Variants in FAM13C observed in about 807,000 individuals in gnomAD.
The protein encoded by FAM13C is family with sequence similarity 13 member C, also known as protein FAM13C.
In FAM13C, 37 loss-of-function variants were observed where a neutral mutation model predicts 73.2. That is an observed-to-expected ratio of 0.51 (90% CI 0.39 to 0.67). FAM13C has a LOEUF of 0.67. Ranked by LOEUF, FAM13C falls within the 30% of genes least tolerant of loss-of-function variation. FAM13C has a pLI of 0.00. For missense variants in FAM13C, 589 were observed against 715.6 expected (o/e 0.82, Z 2.02); for synonymous variants, 246 against 260.9 (o/e 0.94, Z 0.55).
intron 5 of FAM13C, 184 bp from the exon 6 acceptor site, chr10:59,283,631 T>C (rs1761285068): frequency 1.5e-6 from 1 of 655,200 alleles, no homozygotes; most frequent in Admixed American, 2.2e-5. Flanking sequence ...TGGCAACAGC[T>C]GCTTCAGGGA....
Position 59,362,422 on chromosome 10 carries a change from G to A in FAM13C, c.39C>T (p.Ser13=), listed in dbSNP as rs748236811. 2 of 1,614,032 alleles carry A rather than the reference G, an allele frequency of 1.2e-6. No individual in the cohort carries two copies. The highest frequency in any genetic ancestry group is 1.1e-5 in the South Asian group (1 of 91,008). The stretch of plus-strand genomic sequence containing the variant: ...ACTCTGTTACAGTGGTGCTGCTGAA[G>A]GAATTATCCTGAAGGCTGAAACAGA... ...SCFCFSLQDN[S]FSSTTVTECD... is the part of the protein sequence containing the mutation. The change falls in exon 1 of 14, where the codon TCC becomes TCT. Residue 13 remains serine, a synonymous_variant. Coordinates refer to ENST00000618804, the MANE Select transcript of FAM13C (RefSeq NM_198215.4).
intron 13 of FAM13C, chr10:59,251,374 C>T: frequency 1.9e-6 from 1 of 539,834 alleles, no homozygotes; most frequent in Non-Finnish European, 3.3e-6. Context: ...GATGTCATAC[C>T]TGACAGCTAC....
At chr10:59,280,031 G>A (rs1844758886) in intron 6 of FAM13C, among the ~76,000 whole-genome samples, 1 of 152,094 alleles carries the variant, frequency 6.6e-6, no homozygotes, top group South Asian at 2.1e-4. Context: ...TAATCCCATG[G>A]CTTAATCACC....
At chr10:59,294,154 G>A (rs894815222) in intron 5 of FAM13C, among the ~76,000 whole-genome samples, 3 of 152,270 alleles carry the variant, frequency 2.0e-5, no homozygotes, top group South Asian at 2.1e-4. Flanking sequence ...TTGCTCTTAC[G>A]TTTATACTTT....
chr10:59,280,615 T>C (rs1844817949), intron 6 of FAM13C, among the ~76,000 whole-genome samples: 1 of 152,184 alleles, frequency 6.6e-6, no homozygotes, highest in Non-Finnish European at 1.5e-5. Context: ...TCCTAGACTG[T>C]CTAGAGAGGA....
At chr10:59,285,005 TC>T (rs1845392407) in intron 5 of FAM13C, among the ~76,000 whole-genome samples, 1 of 152,318 alleles carries the variant, frequency 6.6e-6, no homozygotes, top group African/African-American at 2.4e-5. Flanking sequence ...CACCACTTGA[TC>T]CATTCTGTTG....
chr10:59,317,861 G>A (rs113300084), intron 4 of FAM13C, among the ~76,000 whole-genome samples: 7,557 of 151,730 alleles, frequency 0.05, 565 homozygotes, highest in African/African-American at 0.17. Context: ...GTCATTTAGC[G>A]TTAGGTATAT....
chr10:59,279,193 A>G (rs918521301), intron 6 of FAM13C, among the ~76,000 whole-genome samples: 1 of 152,164 alleles, frequency 6.6e-6, no homozygotes, highest in Non-Finnish European at 1.5e-5. Flanking sequence ...CCTCATCTTT[A>G]TATTTTAATT....
intron 10 of FAM13C, among the ~76,000 whole-genome samples, chr10:59,261,596 A>C (rs1396268511): frequency 6.6e-6 from 1 of 152,128 alleles, no homozygotes; most frequent in East Asian, 1.9e-4. Context: ...ACCTATAAAT[A>C]GTGCTTCCAT....
intron 8 of FAM13C, among the ~76,000 whole-genome samples, chr10:59,267,715 A>G (rs1434802946): frequency 6.6e-6 from 1 of 152,136 alleles, no homozygotes; most frequent in African/African-American, 2.4e-5. Flanking sequence ...GAACTTTCCA[A>G]TTGCCTCTGT....
intron 4 of FAM13C, among the ~76,000 whole-genome samples, chr10:59,307,454 C>T (rs1158404614): frequency 5.3e-5 from 8 of 152,160 alleles, no homozygotes; most frequent in African/African-American, 1.9e-4. Context: ...AGGCAGTTTA[C>T]TTACATTATT....
intron 5 of FAM13C, among the ~76,000 whole-genome samples, chr10:59,295,817 T>C (rs563306946): frequency 2.6e-5 from 4 of 152,232 alleles, no homozygotes; most frequent in South Asian, 2.1e-4. Context: ...AACCCAGAGA[T>C]AGAAATAGAT....
intron 3 of FAM13C, among the ~76,000 whole-genome samples, chr10:59,338,337 T>C (rs1853022092): frequency 6.6e-6 from 1 of 152,076 alleles, no homozygotes; most frequent in Non-Finnish European, 1.5e-5. Flanking sequence ...GCTCATCTCT[T>C]TTTGCATCCA....
At chr10:59,254,291 A>G in intron 11 of FAM13C, 57 bp downstream of exon 11, 2 of 1,139,496 alleles carry the variant, frequency 1.8e-6, no homozygotes, top group Non-Finnish European at 2.5e-6. Context: ...CTACTATGTG[A>G]CATCCTGTTA....
At chr10:59,309,816 G>T (rs1462028657) in intron 4 of FAM13C, among the ~76,000 whole-genome samples, 1 of 152,212 alleles carries the variant, frequency 6.6e-6, no homozygotes, top group Non-Finnish European at 1.5e-5. Context: ...CTAGGGCCAA[G>T]TCTGGCATAT....
At chr10:59,329,703 C>T (rs2134086568) in intron 3 of FAM13C, among the ~76,000 whole-genome samples, 1 of 152,130 alleles carries the variant, frequency 6.6e-6, no homozygotes, top group African/African-American at 2.4e-5. Flanking sequence ...CAGTTTACTG[C>T]TTTGTTGTAA....
chr10:59,358,252 C>T (rs1173462080), intron 1 of FAM13C, among the ~76,000 whole-genome samples: 1 of 152,122 alleles, frequency 6.6e-6, no homozygotes, highest in Non-Finnish European at 1.5e-5. Context: ...GTGGCACACA[C>T]CTGTAGTTTC....
chr10:59,308,536 C>T (rs1216703328), intron 4 of FAM13C, among the ~76,000 whole-genome samples: 1 of 62,284 alleles, frequency 1.6e-5, no homozygotes, highest in Non-Finnish European at 4.0e-5. Flanking sequence ...CCCCCATCAT[C>T]ACCCCCACCA....
Position 59,270,003 on chromosome 10 carries a change from A to G in FAM13C, c.699T>C (p.Asp233=), listed in dbSNP as rs1296954315. The change falls in exon 7 of 14, where the codon GAT becomes GAC. Residue 233 remains aspartate, a synonymous_variant. Coordinates refer to ENST00000618804, the MANE Select transcript of FAM13C (RefSeq NM_198215.4). ...SRLLYHITDG[D]NPLLSPRCSI... ...AGCATCGTGGCGACAGCAGTGGGTT[A>G]TCACCATCAGTGATGTGATAGAGCA... is the stretch of plus-strand genomic sequence containing the variant. 3 of 1,614,002 alleles carry G rather than the reference A, an allele frequency of 1.9e-6. No individual in the cohort carries two copies. The South Asian group carries it at 3.3e-5, about 18-fold the overall frequency.
Sources: gnomAD v4.1 joint callset for allele counts (sites outside exome capture counted in the v4.1 genomes callset) on GRCh38, gnomAD v4.1.1 for gene constraint, MANE v1.5 for transcripts, NCBI Gene and HGNC (gene_info 2026-07-23, HGNC 2026-07-21) for gene names.